PLCG2: variants seen among roughly 807,000 people sequenced by gnomAD.
PLCG2 encodes phospholipase C gamma 2.
A neutral mutation model predicts 175.6 loss-of-function variants in PLCG2; 69 were observed. That is an observed-to-expected ratio of 0.39 (90% CI 0.32 to 0.48). The LOEUF (loss-of-function observed/expected upper bound fraction) is 0.48, where lower values mean the gene tolerates loss of function less well. Ranked by LOEUF, PLCG2 falls within the 20% of genes least tolerant of loss-of-function variation. The pLI is 0.91. For missense variants in PLCG2, 1,798 were observed against 1,650.9 expected, an observed-to-expected ratio of 1.09 and a Z score of -1.54; for synonymous variants, 827 against 624.0, an observed-to-expected ratio of 1.33 and a Z score of -4.85.
At chr16:81,807,095 C>G (rs752760411) in intron 2 of PLCG2, among the ~76,000 whole-genome samples, 7 of 152,224 alleles carry the variant, frequency 4.6e-5, no homozygotes, top group Non-Finnish European at 1.0e-4. Context: ...TGTTTCAAGT[C>G]TGTTCAATGC....
chr16:81,913,053 T>G (rs759003732), intron 19 of PLCG2, among the ~76,000 whole-genome samples: 4 of 152,126 alleles, frequency 2.6e-5, no homozygotes, highest in Non-Finnish European at 5.9e-5. Context: ...AGCCACTAAG[T>G]GGTGGGGCTG....
rs563822584 is a variant in PLCG2, at chr16:81,951,479, T to C, written c.3570+5216T>C. On this transcript the variant is annotated intron_variant, in intron 31 of 32. Coordinates refer to ENST00000564138, the MANE Select transcript of PLCG2 (RefSeq NM_002661.5). ...AAAACAGGTTTAGGATCTAGATGGT[T>C]TTATAGCTTAGTTTTGTCTTCATTT... Among the ~76,000 whole-genome samples, 213 of 148,500 alleles carry C rather than the reference T, an allele frequency of 1.4e-3. 5 individuals carry two copies. In the South Asian group the frequency reaches 0.046, roughly 32 times the overall value.
chr16:81,921,100 G>T, intron 20 of PLCG2, 98 bp from the exon 21 acceptor site: 2 of 710,948 alleles, frequency 2.8e-6, no homozygotes, highest in Non-Finnish European at 4.9e-6. Flanking sequence ...CTCTATCAAA[G>T]GATAGGTAAC....
intron 13 of PLCG2, among the ~76,000 whole-genome samples, chr16:81,899,851 C>A (rs183450252): frequency 1.3e-5 from 2 of 152,296 alleles, no homozygotes; most frequent in East Asian, 3.9e-4. Context: ...TAAACAGAAA[C>A]ACACATAAAA....
At chr16:81,859,836 A>G (rs1437067011) in intron 5 of PLCG2, among the ~76,000 whole-genome samples, 1 of 152,170 alleles carries the variant, frequency 6.6e-6, no homozygotes, top group African/African-American at 2.4e-5. Context: ...GCGCCCGGCC[A>G]CCAGGTGGTT....
At chr16:81,905,327 C>T (rs1909318579) in intron 14 of PLCG2, 76 bp from the exon 15 acceptor site, 4 of 942,178 alleles carry the variant, frequency 4.2e-6, no homozygotes, top group Non-Finnish European at 5.1e-6. Context: ...TGGGAAGAGG[C>T]AGATGAAGGC....
At chr16:81,794,952 C>T (rs1346900073) in intron 2 of PLCG2, among the ~76,000 whole-genome samples, 1 of 152,218 alleles carries the variant, frequency 6.6e-6, no homozygotes, top group Non-Finnish European at 1.5e-5. Context: ...GGTGCTATAG[C>T]CCTTCTCTTA....
chr16:81,869,934 C>G (rs1171548960), intron 6 of PLCG2, among the ~76,000 whole-genome samples: 1 of 152,104 alleles, frequency 6.6e-6, no homozygotes, highest in Non-Finnish European at 1.5e-5. Context: ...AATGAGCAAC[C>G]CTGCATCCAA....
At chr16:81,781,958 G>T (rs188878986) in intron 1 of PLCG2, among the ~76,000 whole-genome samples, 1 of 148,984 alleles carries the variant, frequency 6.7e-6, no homozygotes, top group Admixed American at 6.9e-5. Context: ...TGCAAGCTCC[G>T]CCTCCCGGGT....
intron 14 of PLCG2, among the ~76,000 whole-genome samples, chr16:81,901,414 A>C (rs1909145766): frequency 6.6e-6 from 1 of 152,230 alleles, no homozygotes; most frequent in African/African-American, 2.4e-5. Context: ...TTTCTTCCCC[A>C]TGCGAGGGAG....
At chr16:81,784,000 G>T in intron 1 of PLCG2, among the ~76,000 whole-genome samples, 1 of 152,100 alleles carries the variant, frequency 6.6e-6, no homozygotes, top group East Asian at 1.9e-4. Flanking sequence ...TTAAATTTAG[G>T]ATTCCTTCTT....
intron 2 of PLCG2, among the ~76,000 whole-genome samples, chr16:81,844,172 T>A (rs2143437398): frequency 6.7e-6 from 1 of 149,000 alleles, no homozygotes; most frequent in South Asian, 2.1e-4. Context: ...TTTTTGGTAT[T>A]TTTAGTAGAG....
At chr16:81,884,645 A>G (rs12921234) in intron 9 of PLCG2, among the ~76,000 whole-genome samples, 52,004 of 151,916 alleles carry the variant, frequency 0.34, 10,143 homozygotes, top group East Asian at 0.62. Flanking sequence ...CTTTTCACAT[A>G]TAAATCTCAA....
rs1908630695 is a variant in PLCG2 at position 81,891,475 on chromosome 16, C to G, written c.871C>G (p.Leu291Val). 6.4e-7 allele frequency: 1 copy of G among 1,557,366 alleles called. No homozygotes were observed. The highest frequency in any genetic ancestry group is 1.7e-5 in the Admixed American group (1 of 59,948). ...AEPFLFVDEF[L>V]TYLFSRENSI... ...TCTTCGTGTTTGACTCTTTTAGTTC[C>G]TCACGTACCTGTTTTCACGAGAAAA... Residue 291 changes from leucine to valine, a missense_variant, in exon 11 of 33, where the codon CTC (leucine) becomes GTC (valine). Coordinates refer to ENST00000564138, the MANE Select transcript of PLCG2 (RefSeq NM_002661.5).
chr16:81,782,215 A>G (rs1411062192), intron 1 of PLCG2, among the ~76,000 whole-genome samples: 1 of 136,990 alleles, frequency 7.3e-6, no homozygotes, highest in Non-Finnish European at 1.5e-5. Context: ...AGATACAAGA[A>G]CATGAATGAG....
intron 1 of PLCG2, among the ~76,000 whole-genome samples, chr16:81,746,115 C>G (rs1247176097): frequency 6.6e-6 from 1 of 152,188 alleles, no homozygotes; most frequent in African/African-American, 2.4e-5. Flanking sequence ...TCGAATGGAA[C>G]CTCTATTAAC....
upstream of PLCG2, among the ~76,000 whole-genome samples, chr16:81,778,896 G>A (rs1910584574): frequency 1.3e-5 from 2 of 152,232 alleles, no homozygotes; most frequent in Non-Finnish European, 2.9e-5. Flanking sequence ...CTCGAGCTCA[G>A]ACGATCCTCC....
intron 1 of PLCG2, among the ~76,000 whole-genome samples, chr16:81,779,991 G>C (rs932352716): frequency 6.6e-6 from 1 of 152,212 alleles, no homozygotes; most frequent in Non-Finnish European, 1.5e-5. Context: ...GTTGTGTTTT[G>C]TTGTGTTTTG....
chr16:81,879,552 C>G (rs563687791), intron 7 of PLCG2, among the ~76,000 whole-genome samples: 19 of 152,216 alleles, frequency 1.2e-4, no homozygotes, highest in Non-Finnish European at 1.8e-4. Context: ...TTTCTAGAAC[C>G]CTGATAGTCC....
Sources: allele counts gnomAD v4.1 joint callset (sites outside exome capture counted in the v4.1 genomes callset), GRCh38; gene constraint gnomAD v4.1.1; transcripts MANE v1.5; gene names NCBI Gene and HGNC (gene_info 2026-07-23, HGNC 2026-07-21).